The following ZNF484 variants were observed in gnomAD, a reference collection of about 807,000 sequenced individuals.
The protein encoded by ZNF484 is KRAB box containing C2H2 type zinc finger bA526D8.4.
ZNF484 carries 11 observed loss-of-function variants against 12.9 expected under a neutral mutation model. That is an observed-to-expected ratio of 0.85 (90% confidence interval 0.54 to 1.41). The LOEUF is 1.41. ZNF484 is among the 40% of genes most tolerant of loss of function. ZNF484 has a pLI of 0.00. For synonymous variants in ZNF484, 289 were observed against 334.1 expected (o/e 0.86, Z 1.47); for missense variants, 807 against 1,007.7 (o/e 0.80, Z 2.70).
At chr9:92,876,900 G>A (rs1004628758) in intron 1 of ZNF484, among the ~76,000 whole-genome samples, 1 of 152,054 alleles carries the variant, frequency 6.6e-6, no homozygotes, top group Admixed American at 6.5e-5. Context: ...AGAGAATTTT[G>A]GTCCATACAA....
intron 2 of ZNF484, among the ~76,000 whole-genome samples, chr9:92,869,461 C>T (rs1173291264): frequency 6.6e-6 from 1 of 152,186 alleles, no homozygotes; most frequent in East Asian, 1.9e-4. Context: ...GTGGCTCACG[C>T]CTATAATTCC....
chr9:92,875,349 T>C (rs967302376), intron 1 of ZNF484, among the ~76,000 whole-genome samples: 2 of 152,214 alleles, frequency 1.3e-5, no homozygotes, highest in African/African-American at 4.8e-5. Flanking sequence ...ATTACGTTAT[T>C]ATACTATCTG....
intron 2 of ZNF484, among the ~76,000 whole-genome samples, chr9:92,864,837 C>T (rs1856974142): frequency 6.6e-6 from 1 of 152,064 alleles, no homozygotes; most frequent in African/African-American, 2.4e-5. Flanking sequence ...TCATTAATCA[C>T]TAGATATAGC....
chr9:92,863,498 A>G (rs993814947), intron 2 of ZNF484, among the ~76,000 whole-genome samples: 4 of 152,214 alleles, frequency 2.6e-5, no homozygotes, highest in African/African-American at 9.6e-5. Context: ...AGTCTAGGCA[A>G]TATTTCATGT....
Position 92,860,363 on chromosome 9 carries a change from G to T in ZNF484, c.16-4045C>A, listed in dbSNP as rs372102531. 1.4e-3 allele frequency among the ~76,000 whole-genome samples: 218 copies of T among 152,210 alleles called. 1 individual carries two copies. Among genetic ancestry groups the T allele is most frequent in the African/African-American group, 5.1e-3 (210 of 41,550 alleles). ...CACGCCTGTAATCCCAGCACTTTGGGAGGCCGAGGCAGGTGGATCACGAGG... is the reference window on the plus strand; with the variant it reads ...CACGCCTGTAATCCCAGCACTTTGGTAGGCCGAGGCAGGTGGATCACGAGG... On this transcript the variant is annotated intron_variant, in intron 2 of 4. Coordinates refer to ENST00000375495, the MANE Select transcript of ZNF484 (RefSeq NM_031486.4).
At chr9:92,874,773 T>G (rs1192137024) in intron 2 of ZNF484, among the ~76,000 whole-genome samples, 1 of 152,192 alleles carries the variant, frequency 6.6e-6, no homozygotes, top group Non-Finnish European at 1.5e-5. Context: ...GTATCCAATT[T>G]CCATTATTGC....
chr9:92,877,672 C>T, intron 1 of ZNF484: 1 of 1,082,170 alleles, frequency 9.2e-7, no homozygotes, highest in Non-Finnish European at 1.3e-6. Flanking sequence ...AGATCCACCA[C>T]CAGACAGAGA....
At chr9:92,856,034 G>A in intron 3 of ZNF484, 131 bp from the exon 4 acceptor site, 1 of 1,396,834 alleles carries the variant, frequency 7.2e-7, no homozygotes, top group Non-Finnish European at 9.9e-7. Context: ...TAAGAACATG[G>A]GACAAAATAA....
chr9:92,859,437 A>G (rs942332373), intron 2 of ZNF484, among the ~76,000 whole-genome samples: 1 of 152,182 alleles, frequency 6.6e-6, no homozygotes, highest in African/African-American at 2.4e-5. Context: ...ACTTAGAGGG[A>G]GAGAGGGAGC....
chr9:92,844,351 G>A lies in ZNF484; in HGVS notation c.*1877C>T, dbSNP rs1855473497. Among the ~76,000 whole-genome samples the A allele has an allele frequency of 6.6e-6, 1 of 152,142 alleles. No individual in the cohort carries two copies. Among genetic ancestry groups the A allele is most frequent in the Non-Finnish European group, 1.5e-5 (1 of 68,026 alleles). On this transcript the variant is annotated 3_prime_UTR_variant, in exon 5 of 5. Coordinates refer to ENST00000375495, the MANE Select transcript of ZNF484 (RefSeq NM_031486.4). ...AACAGAGAAGGAGAATGAGGCAGATGCATAATTTGAATAGATAATAGCTAG... is the reference window on the plus strand; with the variant it reads ...AACAGAGAAGGAGAATGAGGCAGATACATAATTTGAATAGATAATAGCTAG...
chr9:92,846,005 A>G lies in ZNF484; in HGVS notation c.*223T>C. 1.8e-6 allele frequency: 1 copy of G among 548,934 alleles called. No individual in the cohort carries two copies. Among genetic ancestry groups the G allele is most frequent in the Non-Finnish European group, 3.2e-6 (1 of 313,684 alleles). 34.0% of individuals were successfully genotyped at this position (548,934 alleles called of 1,614,324 possible). A position where few individuals can be genotyped will look rare whatever the true frequency, so the allele number is the denominator to read the frequency against. On this transcript the variant is annotated 3_prime_UTR_variant, in exon 5 of 5. Transcript: ENST00000375495. ...ATAGTTGTGGTACCCAGAACATGAA[A>G]AACTCAACAGCCATGAATTTATAAA... is the stretch of plus-strand genomic sequence containing the variant.
chr9:92,846,484 C>A lies in ZNF484; in HGVS notation c.2303G>T (p.Arg768Leu), dbSNP rs144260918. The change falls in exon 5 of 5, where the codon CGA (arginine) becomes CTA (leucine). Residue 768 changes from arginine to leucine, a missense_variant. Transcript: ENST00000375495. Reference sequence around the variant, plus strand: ...ATATGGTTTCTCTCCTGTGTGAATTCGATGATGCTCATGGAGTTGTGATTT... The same window carrying A: ...ATATGGTTTCTCTCCTGTGTGAATTAGATGATGCTCATGGAGTTGTGATTT... ...IKKSQLHEHH[R>L]IHTGEKPYIC... is the part of the protein sequence containing the mutation. The A allele has an allele frequency of 6.2e-7, 1 of 1,612,356 alleles. No individual in the cohort carries two copies. Among genetic ancestry groups the A allele is most frequent in the Non-Finnish European group, 8.5e-7 (1 of 1,179,480 alleles).
rs1856445897 is a variant in ZNF484, at chr9:92,856,260, A to C, written c.74T>G (p.Leu25Ter). 2.5e-6 allele frequency: 4 copies of C among 1,613,924 alleles called. No individual in the cohort carries two copies. The highest frequency in any genetic ancestry group is 3.4e-6 in the Non-Finnish European group (4 of 1,179,932). The change falls in exon 3 of 5, where the codon TTA becomes TGA. Residue 25 changes from leucine (L) to a stop codon, truncating the protein, a stop_gained. Transcript: ENST00000375495. LOFTEE classifies it high-confidence loss of function. ...VDFSRDEWQQ[L>*]DLAQKSLYRE... is the part of the protein sequence containing the mutation. Reference sequence around the variant, plus strand: ...GTACAGGCTTTTCTGAGCAAGGTCTAATTGTTGCCACTCATCCCTACTGAA... The same window carrying C: ...GTACAGGCTTTTCTGAGCAAGGTCTCATTGTTGCCACTCATCCCTACTGAA...
At position 92,846,856 on chromosome 9, in the gene ZNF484, G is replaced by A. The variant is rs1412483397; in HGVS notation, c.1931C>T (p.Ala644Val). Residue 644 changes from alanine (A) to valine (V), a missense_variant, in exon 5 of 5, where the codon GCT becomes GTT. By Grantham distance (64) the Ala-to-Val change is moderately conservative. Coordinates refer to ENST00000375495, the MANE Select transcript of ZNF484 (RefSeq NM_031486.4). The part of the protein sequence containing the change: ...KPYRCAECGK[A>V]FTDRSNLFTH... ...AAAGAGATTTGATCTGTCAGTAAAA[G>A]CCTTTCCACATTCAGCACACCTATA... 1 of 1,613,814 alleles carries A rather than the reference G, an allele frequency of 6.2e-7. No homozygotes were observed. Among genetic ancestry groups the A allele is most frequent in the African/African-American group, 1.3e-5 (1 of 74,840 alleles).
Position 92,847,860 on chromosome 9 carries a change from CTCATATTCAGT to C in ZNF484, c.916_926del (p.Thr306GlufsTer15), listed in dbSNP as rs1855771691. ...GGTTTGACTTGAGGGAAAAATCCTT[CTCATATTCAGT>C]GCATATTCCTGCATAAACCCTCTGA... On this transcript the variant is annotated frameshift_variant, in exon 5 of 5. Transcript: ENST00000375495. LOFTEE classifies it low-confidence loss of function (END_TRUNC). The C allele has an allele frequency of 6.2e-7, 1 of 1,614,044 alleles. No individual in the cohort carries two copies. The highest frequency in any genetic ancestry group is 1.3e-5 in the African/African-American group (1 of 74,928).
chr9:92,856,342 T>C, intron 2 of ZNF484, 24 bp from the exon 3 acceptor site: 1 of 1,505,298 alleles, frequency 6.6e-7, no homozygotes, highest in South Asian at 1.4e-5. Flanking sequence ...AAAACAAACT[T>C]TAAAATAATT....
chr9:92,856,597 C>G (rs113921242), intron 2 of ZNF484, among the ~76,000 whole-genome samples: 1,978 of 152,276 alleles, frequency 0.013, 37 homozygotes, highest in African/African-American at 0.042. Flanking sequence ...CGTCATTAAT[C>G]ACTAGGGAAA....
intron 2 of ZNF484, among the ~76,000 whole-genome samples, chr9:92,864,382 C>T (rs1451624808): frequency 2.0e-5 from 3 of 151,892 alleles, no homozygotes; most frequent in Admixed American, 1.3e-4. Flanking sequence ...CAGCAAATCT[C>T]GGGAACTATC....
rs199709994 is a variant in ZNF484 at position 92,856,184 on chromosome 9, G to A, written c.142+8C>T. The stretch of plus-strand genomic sequence containing the variant: ...AGCCTACTCTATACCCAGCAGAGCC[G>A]TGCTTACCCACTGAGATCAAGTTGA... On this transcript the variant is annotated splice_region_variant and intron_variant, in intron 3 of 4. Coordinates refer to ENST00000375495, the MANE Select transcript of ZNF484 (RefSeq NM_031486.4). 174 of 1,613,010 alleles carry A rather than the reference G, an allele frequency of 1.1e-4. No individual in the cohort carries two copies. The highest frequency in any genetic ancestry group is 1.0e-3 in the African/African-American group (75 of 74,868).
Sources: gnomAD v4.1 joint callset for allele counts (sites outside exome capture counted in the v4.1 genomes callset) on GRCh38, gnomAD v4.1.1 for gene constraint, MANE v1.5 for transcripts, NCBI Gene and HGNC (gene_info 2026-07-23, HGNC 2026-07-21) for gene names.